FOXI3: variants seen among roughly 807,000 people sequenced by gnomAD.
FOXI3 encodes the protein forkhead box protein I3.
A neutral mutation model predicts 15.6 loss-of-function variants in FOXI3; 4 were observed. The ratio of observed to expected loss-of-function variants is 0.26; its 90% confidence interval spans 0.13 to 0.59. FOXI3 has a LOEUF of 0.59. Among genes scored for constraint, FOXI3 ranks in the 20% least tolerant of loss-of-function variants. The pLI, the probability that FOXI3 is intolerant of heterozygous loss-of-function variation, is 0.90. For missense variants in FOXI3, 489 were observed against 548.2 expected, an observed-to-expected ratio of 0.89 and a Z score of 1.08; for synonymous variants, 238 against 244.4, an observed-to-expected ratio of 0.97 and a Z score of 0.25.
chr2:88,448,185 T>C lies in FOXI3; in HGVS notation c.*22A>G. On this transcript the variant is annotated 3_prime_UTR_variant, in exon 2 of 2. Coordinates refer to ENST00000428390, the MANE Select transcript of FOXI3 (RefSeq NM_001135649.3). ...CATGTGTGCACGCCTCAGGTGTGCA[T>C]ACTCAAGTCTGAGAGTCTGCTCTAC... 4 of 1,545,122 alleles carry C rather than the reference T, an allele frequency of 2.6e-6. No individual in the cohort carries two copies. The highest frequency in any genetic ancestry group is 1.2e-5 in the South Asian group (1 of 83,794).
At chr2:88,450,029 G>GTAACCT (rs1676014322) in intron 1 of FOXI3, among the ~76,000 whole-genome samples, 1 of 152,012 alleles carries the variant, frequency 6.6e-6, no homozygotes, top group Non-Finnish European at 1.5e-5. Flanking sequence ...GTACAGTGGC[G>GTAACCT]TAACCTTGGT....
chr2:88,447,984 G>A lies in FOXI3; in HGVS notation c.*223C>T, dbSNP rs1292618488. 1 of 573,402 alleles carries A rather than the reference G, an allele frequency of 1.7e-6. No homozygotes were observed. The highest frequency in any genetic ancestry group is 1.9e-5 in the African/African-American group (1 of 53,478). 35.5% of individuals were successfully genotyped at this position (573,402 alleles called of 1,614,324 possible). A position where few individuals can be genotyped will look rare whatever the true frequency, so the allele number is the denominator to read the frequency against. ...AGTGAAACGGATTTCTCTCTGGAGA[G>A]GCCCACATGCAGAGAAACCTGTAAA... On this transcript the variant is annotated 3_prime_UTR_variant, in exon 2 of 2. Transcript: ENST00000428390.
chr2:88,448,136 AC>A lies in FOXI3; in HGVS notation c.*70del. 1 of 1,385,868 alleles carries A rather than the reference AC, an allele frequency of 7.2e-7. No individual in the cohort carries two copies. Among genetic ancestry groups the A allele is most frequent in the Admixed American group, 2.2e-5 (1 of 44,764 alleles). The allele number at this position is 1,385,868 out of a possible 1,614,324, so 85.8% of individuals were successfully genotyped here. A position where few individuals can be genotyped will look rare whatever the true frequency, so the allele number is the denominator to read the frequency against. On this transcript the variant is annotated 3_prime_UTR_variant, in exon 2 of 2. Transcript: ENST00000428390. ...CTCAGGTCCTACCCCAGACCTACTG[AC>A]TTGGAATCTGCATTCTAATCAGCAT...
At chr2:88,450,288 G>A (rs542079421) in intron 1 of FOXI3, among the ~76,000 whole-genome samples, 2 of 152,190 alleles carry the variant, frequency 1.3e-5, no homozygotes, top group South Asian at 4.1e-4. Flanking sequence ...AAATTAGCCG[G>A]GCACTGTGGC....
chr2:88,450,344 T>C (rs1279851346), intron 1 of FOXI3, among the ~76,000 whole-genome samples: 1 of 151,172 alleles, frequency 6.6e-6, no homozygotes, highest in African/African-American at 2.4e-5. Flanking sequence ...GCAGCAAAAT[T>C]GTTTGAGCTG....
At chr2:88,450,157 G>GCA (rs1293931664) in intron 1 of FOXI3, among the ~76,000 whole-genome samples, 2 of 76,798 alleles carry the variant, frequency 2.6e-5, no homozygotes, top group East Asian at 2.6e-4. Flanking sequence ...TTCTTGCTGG[G>GCA]CGCTGGCTCA....
rs146240599 is a variant in FOXI3, at chr2:88,449,554, G to T, written c.641-725C>A. 2.6e-5 allele frequency among the ~76,000 whole-genome samples: 4 copies of T among 152,294 alleles called. No homozygotes were observed. In the East Asian group the frequency reaches 7.7e-4, roughly 29 times the overall value. Reference sequence around the variant, plus strand: ...TACATCCCCTCCTCATTTTGGGCAGGACCTGCCCCTACAAATCCTGCAAAT... The same window carrying T: ...TACATCCCCTCCTCATTTTGGGCAGTACCTGCCCCTACAAATCCTGCAAAT... On this transcript the variant is annotated intron_variant, in intron 1 of 1. Coordinates refer to ENST00000428390, the MANE Select transcript of FOXI3 (RefSeq NM_001135649.3).
intron 1 of FOXI3, among the ~76,000 whole-genome samples, chr2:88,449,518 C>T (rs1225601215): frequency 2.0e-5 from 3 of 152,234 alleles, no homozygotes; most frequent in Non-Finnish European, 4.4e-5. Flanking sequence ...TATGAGGAAG[C>T]TCCTGGAATC....
Position 88,447,322 on chromosome 2 carries a change from T to C in FOXI3, c.*885A>G, listed in dbSNP as rs1247931091. 2 of 152,166 alleles carry C rather than the reference T, an allele frequency of 1.3e-5. No individual in the cohort carries two copies. The highest frequency in any genetic ancestry group is 2.9e-5 in the Non-Finnish European group (2 of 68,034). The allele number at this position is 152,166 out of a possible 1,614,324, so 9.4% of individuals were successfully genotyped here. A position where few individuals can be genotyped will look rare whatever the true frequency, so the allele number is the denominator to read the frequency against. On this transcript the variant is annotated 3_prime_UTR_variant, in exon 2 of 2. Coordinates refer to ENST00000428390, the MANE Select transcript of FOXI3 (RefSeq NM_001135649.3). The stretch of plus-strand genomic sequence containing the variant: ...ATTTGTGGTGTTGCCTAGGACAGTA[T>C]GATAAACAACCAAAAAAAAATCTTC...
Position 88,451,920 on chromosome 2 carries a change from C to A in FOXI3, c.616G>T (p.Val206Leu), listed in dbSNP as rs1423791231. Residue 206 changes from valine to leucine, a missense_variant, in exon 1 of 2, where the codon GTG becomes TTG. Around this residue, in one of 3 missense-constraint regions of FOXI3, gnomAD observed 263 missense variants for 285.5 expected, o/e 0.92. Transcript: ENST00000428390. The part of the protein sequence containing the change: ...NLSLNDCFKK[V>L]PRDEDDPGKG... The stretch of plus-strand genomic sequence containing the variant: ...CCTGGGTCGTCCTCGTCGCGGGGCA[C>A]CTTCTTGAAGCAGTCGTTGAGCGAC... The A allele has an allele frequency of 1.2e-6, 2 of 1,613,634 alleles. No homozygotes were observed. Among genetic ancestry groups the A allele is most frequent in the African/African-American group, 2.7e-5 (2 of 74,926 alleles).
Position 88,447,869 on chromosome 2 carries a change from C to T in FOXI3, c.*338G>A, listed in dbSNP as rs1573324491. The T allele has an allele frequency of 3.0e-6, 1 of 328,674 alleles. No homozygotes were observed. Among genetic ancestry groups the T allele is most frequent in the Non-Finnish European group, 5.7e-6 (1 of 174,434 alleles). The allele number at this position is 328,674 out of a possible 1,614,324, so 20.4% of individuals were successfully genotyped here. A position where few individuals can be genotyped will look rare whatever the true frequency, so the allele number is the denominator to read the frequency against. On this transcript the variant is annotated 3_prime_UTR_variant, in exon 2 of 2. Transcript: ENST00000428390. The stretch of plus-strand genomic sequence containing the variant: ...GTGTTTTTTTAGCCATCTGTACACA[C>T]TTGAGCTTGCAATCCTGGCATACAG...
At position 88,452,457 on chromosome 2, in the gene FOXI3, G is replaced by GGGC; in HGVS notation, c.76_78dup (p.Ala26dup). The GGGC allele has an allele frequency of 1.9e-6, 2 of 1,060,414 alleles. No homozygotes were observed. Among genetic ancestry groups the GGGC allele is most frequent in the Non-Finnish European group, 2.3e-6 (2 of 880,036 alleles). The allele number at this position is 1,060,414 out of a possible 1,614,324, so 65.7% of individuals were successfully genotyped here. A position where few individuals can be genotyped will look rare whatever the true frequency, so the allele number is the denominator to read the frequency against. On this transcript the variant is annotated inframe_insertion, in exon 1 of 2. Coordinates refer to ENST00000428390, the MANE Select transcript of FOXI3 (RefSeq NM_001135649.3). ...GCCCTGGCTGCCGGGGGGGCGCCCGGGGCGGCGGCGGTGGCGGCGGGCGGG... is the reference window on the plus strand; with the variant it reads ...GCCCTGGCTGCCGGGGGGGCGCCCGGGGCGGCGGCGGCGGTGGCGGCGGGCGGG...
chr2:88,448,007 A>T lies in FOXI3; in HGVS notation c.*200T>A. On this transcript the variant is annotated 3_prime_UTR_variant, in exon 2 of 2. Transcript: ENST00000428390. ...GAGGCCCACATGCAGAGAAACCTGT[A>T]AAAGCTCGCTGGGTTGTAGCAAGAG... The T allele has an allele frequency of 1.7e-6, 1 of 589,106 alleles. No homozygotes were observed. The allele number at this position is 589,106 out of a possible 1,614,324, so 36.5% of individuals were successfully genotyped here.
rs1418067071 is a variant in FOXI3 at position 88,452,672 on chromosome 2, G to T, written c.-137C>A. On this transcript the variant is annotated 5_prime_UTR_variant, in exon 1 of 2. Coordinates refer to ENST00000428390, the MANE Select transcript of FOXI3 (RefSeq NM_001135649.3). ...ACCCGCGCTGGGCGCCCGGTGCTCC[G>T]GGCCGGGGTCGGGCGGGTGCTAGCG... The T allele has an allele frequency of 4.8e-6, 2 of 419,622 alleles. No homozygotes were observed. Among genetic ancestry groups the T allele is most frequent in the African/African-American group, 2.2e-5 (1 of 46,274 alleles). The allele number at this position is 419,622 out of a possible 1,614,324, so 26.0% of individuals were successfully genotyped here.
rs984704390 is a variant in FOXI3, at chr2:88,452,398, C to G, written c.138G>C (p.Pro46=). ...PYGLADYAAP[P]AAAANPYLWL... Reference sequence around the variant, plus strand: ...ACAGGTAGGGGTTGGCGGCGGCGGCCGGCGGCGCGGCGTAGTCGGCCAGCC... The same window carrying G: ...ACAGGTAGGGGTTGGCGGCGGCGGCGGGCGGCGCGGCGTAGTCGGCCAGCC... Residue 46 remains proline, a synonymous_variant, in exon 1 of 2, where the codon CCG becomes CCC. Transcript: ENST00000428390. 3.0e-6 allele frequency: 3 copies of G among 993,908 alleles called. No individual in the cohort carries two copies. The highest frequency in any genetic ancestry group is 3.6e-6 in the Non-Finnish European group (3 of 837,566). 61.6% of individuals were successfully genotyped at this position (993,908 alleles called of 1,614,324 possible).
At chr2:88,449,726 G>A (rs924599409) in intron 1 of FOXI3, among the ~76,000 whole-genome samples, 1 of 152,108 alleles carries the variant, frequency 6.6e-6, no homozygotes, top group Non-Finnish European at 1.5e-5. Flanking sequence ...TTTCACTTCT[G>A]GCAAAAGAAT....
At chr2:88,451,838 G>A in intron 1 of FOXI3, 58 bp downstream of exon 1, 6 of 1,568,964 alleles carry the variant, frequency 3.8e-6, no homozygotes, top group Non-Finnish European at 5.2e-6. Context: ...CCCTGCGCCG[G>A]CCCTTGCGAC....
At chr2:88,451,222 A>G (rs1425054715) in intron 1 of FOXI3, among the ~76,000 whole-genome samples, 1 of 152,296 alleles carries the variant, frequency 6.6e-6, no homozygotes, top group East Asian at 1.9e-4. Flanking sequence ...CTCCAGGAGC[A>G]ATTGGGCTTA....
Position 88,448,705 on chromosome 2 carries a change from T to G in FOXI3, c.765A>C (p.Ser255=). Residue 255 remains serine (S), a synonymous_variant, in exon 2 of 2, where the codon TCA becomes TCC. Coordinates refer to ENST00000428390, the MANE Select transcript of FOXI3 (RefSeq NM_001135649.3). ...CTGAGGAGAGCCCTTCTTCGGACTT[T>G]GATGTCCCAGCAGCCACTGTGGAGC... ...SNGSTVAAGT[S]KSEEGLSSGL... 1 of 1,551,788 alleles carries G rather than the reference T, an allele frequency of 6.4e-7. No homozygotes were observed. Among genetic ancestry groups the G allele is most frequent in the East Asian group, 2.4e-5 (1 of 40,908 alleles).
Sources: gnomAD v4.1 joint callset for allele counts (sites outside exome capture counted in the v4.1 genomes callset) on GRCh38, gnomAD v4.1.1 for gene constraint, gnomAD v4.1.1 regional missense constraint, MANE v1.5 for transcripts, NCBI Gene and HGNC (gene_info 2026-07-23, HGNC 2026-07-21) for gene names.